Variants in KCNB2 observed in about 807,000 individuals in gnomAD.
KCNB2 encodes potassium voltage-gated channel subfamily B member 2, also known as delayed rectifier potassium channel protein.
A neutral mutation model predicts 61.5 loss-of-function variants in KCNB2; 15 were observed. The ratio of observed to expected loss-of-function variants is 0.24; its 90% CI spans 0.16 to 0.38. The LOEUF is 0.38. KCNB2 is among the 10% of genes least tolerant of loss of function. The pLI, the probability that KCNB2 is intolerant of heterozygous loss-of-function variation, is 1.00. For missense variants in KCNB2, 828 were observed against 1,125.2 expected, an observed-to-expected ratio of 0.74 and a Z score of 3.78; for synonymous variants, 457 against 446.0, an observed-to-expected ratio of 1.02 and a Z score of -0.31.
At chr8:72,831,590 T>C (rs1296697590) in intron 2 of KCNB2, among the ~76,000 whole-genome samples, 3 of 152,252 alleles carry the variant, frequency 2.0e-5, no homozygotes, top group Admixed American at 1.3e-4. Context: ...TATGAGGCCT[T>C]TGCCTATATC....
chr8:72,602,454 T>C lies in KCNB2; in HGVS notation c.579+34141T>C, dbSNP rs150926619. On this transcript the variant is annotated intron_variant, in intron 2 of 2. Coordinates refer to ENST00000523207, the MANE Select transcript of KCNB2 (RefSeq NM_004770.3). ...TTTGTATTATTTTAGTTTCTATCAT[T>C]CTTATCAATATTTGTTCATTTAGCT... Among the ~76,000 whole-genome samples, 73 of 152,324 alleles carry C rather than the reference T, an allele frequency of 4.8e-4. 2 individuals are homozygous for C. The East Asian group carries it at 0.014, about 29-fold the overall frequency.
At chr8:72,727,828 G>A (rs751222757) in intron 2 of KCNB2, among the ~76,000 whole-genome samples, 1 of 152,166 alleles carries the variant, frequency 6.6e-6, no homozygotes, top group Non-Finnish European at 1.5e-5. Flanking sequence ...AAATAGACTT[G>A]CTAGTATTTC....
intron 2 of KCNB2, among the ~76,000 whole-genome samples, chr8:72,922,969 G>A (rs536526569): frequency 6.7e-6 from 1 of 148,890 alleles, no homozygotes; most frequent in Non-Finnish European, 1.5e-5. Context: ...AACAATATAT[G>A]TAAGATGTAC....
intron 2 of KCNB2, among the ~76,000 whole-genome samples, chr8:72,799,412 T>A (rs73313550): frequency 9.1e-6 from 1 of 110,134 alleles, no homozygotes; most frequent in Non-Finnish European, 2.1e-5. Flanking sequence ...CATTATTATT[T>A]TTTATTATTA....
In KCNB2 at chr8:72,844,729, C is replaced by T. The variant is rs56113661; in HGVS notation, c.580-91206C>T. ...TATCCTTTCTTCCGCTTAATCAATT[C>T]GGCTATTGATGCTTGTGTATGCTTC... On this transcript the variant is annotated intron_variant, in intron 2 of 2. Transcript: ENST00000523207. Among the ~76,000 whole-genome samples the T allele has an allele frequency of 2.1e-3, 319 of 152,162 alleles. 3 individuals carry two copies. The highest frequency in any genetic ancestry group is 7.4e-3 in the African/African-American group (308 of 41,532).
intron 2 of KCNB2, among the ~76,000 whole-genome samples, chr8:72,867,882 A>T (rs984614734): frequency 6.6e-6 from 1 of 152,174 alleles, no homozygotes. Context: ...CTGTAGATAG[A>T]TTCCAACATT....
chr8:72,663,437 G>A (rs16938281), intron 2 of KCNB2, among the ~76,000 whole-genome samples: 4,225 of 152,204 alleles, frequency 0.028, 74 homozygotes, highest in South Asian at 0.073. Context: ...CTGGAGTTTT[G>A]CACACTGCTT....
In KCNB2 at chr8:72,839,599, C is replaced by CTTTTTTTT. The variant is rs10561095; in HGVS notation, c.580-96312_580-96305dup. ...CCTTGAGCTAAACTTTGAAAGGCTT[C>CTTTTTTTT]TTTTTTTTTTTTTTTTTTTTTTTTT... On this transcript the variant is annotated intron_variant, in intron 2 of 2. Transcript: ENST00000523207. Among the ~76,000 whole-genome samples, 66 of 87,658 alleles carry CTTTTTTTT rather than the reference C, an allele frequency of 7.5e-4. 3 individuals carry two copies. Among genetic ancestry groups the CTTTTTTTT allele is most frequent in the African/African-American group, 2.7e-3 (55 of 20,442 alleles). 57.5% of individuals were successfully genotyped at this position (87,658 alleles called of 152,430 possible).
At chr8:72,567,247 G>A (rs931134295) in intron 1 of KCNB2, among the ~76,000 whole-genome samples, 6 of 152,040 alleles carry the variant, frequency 3.9e-5, no homozygotes, top group African/African-American at 1.4e-4. Context: ...AAGAGATCAA[G>A]GCTGCAGTGA....
At chr8:72,732,187 T>G (rs1807756370) in intron 2 of KCNB2, 1 of 152,260 alleles carries the variant, frequency 6.6e-6, no homozygotes, top group African/African-American at 2.4e-5. Context: ...CCATAGTAGC[T>G]TTCTTACTTG....
At chr8:72,734,062 A>G (rs1323735623) in intron 2 of KCNB2, among the ~76,000 whole-genome samples, 1 of 152,194 alleles carries the variant, frequency 6.6e-6, no homozygotes, top group Non-Finnish European at 1.5e-5. Flanking sequence ...CGGAGTATTT[A>G]TCATCTGCAA....
Position 72,602,717 on chromosome 8 carries a change from C to T in KCNB2, c.579+34404C>T, listed in dbSNP as rs561685463. Among the ~76,000 whole-genome samples, 5 of 152,224 alleles carry T rather than the reference C, an allele frequency of 3.3e-5. No individual in the cohort carries two copies. In the South Asian group the frequency reaches 1.0e-3, roughly 32 times the overall value. On this transcript the variant is annotated intron_variant, in intron 2 of 2. Transcript: ENST00000523207. Reference sequence around the variant, plus strand: ...TTTTCAGTTGACTTTCCACTGAAGTCGGCTGGTTGAATTCAGCTGACAGTT... The same window carrying T: ...TTTTCAGTTGACTTTCCACTGAAGTTGGCTGGTTGAATTCAGCTGACAGTT...
At chr8:72,717,028 C>G (rs1807456020) in intron 2 of KCNB2, among the ~76,000 whole-genome samples, 1 of 151,802 alleles carries the variant, frequency 6.6e-6, no homozygotes, top group African/African-American at 2.4e-5. Flanking sequence ...AACAGACAAA[C>G]AGAGAGCCAA....
intron 2 of KCNB2, among the ~76,000 whole-genome samples, chr8:72,781,014 A>C (rs779722048): frequency 6.6e-6 from 1 of 152,012 alleles, no homozygotes; most frequent in African/African-American, 2.4e-5. Flanking sequence ...TGGCTGCACA[A>C]TTGTCTTCTT....
At chr8:72,921,270 T>A (rs914956428) in intron 2 of KCNB2, among the ~76,000 whole-genome samples, 1 of 152,178 alleles carries the variant, frequency 6.6e-6, no homozygotes, top group Non-Finnish European at 1.5e-5. Flanking sequence ...TATTCTACTC[T>A]CATCTGTTCT....
intron 2 of KCNB2, among the ~76,000 whole-genome samples, chr8:72,657,923 G>A (rs865915660): frequency 6.6e-6 from 1 of 152,114 alleles, no homozygotes. Flanking sequence ...GATAAATGTT[G>A]TGTGTGTCCT....
chr8:72,768,007 A>G (rs1808489613), intron 2 of KCNB2, among the ~76,000 whole-genome samples: 1 of 152,172 alleles, frequency 6.6e-6, no homozygotes, highest in Non-Finnish European at 1.5e-5. Context: ...TGGCCTTTGT[A>G]TATTTCCTTT....
chr8:72,595,989 G>T, intron 2 of KCNB2, among the ~76,000 whole-genome samples: 1 of 152,006 alleles, frequency 6.6e-6, no homozygotes, highest in East Asian at 1.9e-4. Flanking sequence ...CTGACTCCTG[G>T]TCTCAAGAAC....
At chr8:72,912,982 G>A (rs1806327180) in intron 2 of KCNB2, among the ~76,000 whole-genome samples, 1 of 152,130 alleles carries the variant, frequency 6.6e-6, no homozygotes, top group African/African-American at 2.4e-5. Flanking sequence ...ATCTGTGTGA[G>A]ATAAAGCTTA....
Sources: allele counts gnomAD v4.1 joint callset (sites outside exome capture counted in the v4.1 genomes callset), GRCh38; gene constraint gnomAD v4.1.1; transcripts MANE v1.5; gene names NCBI Gene and HGNC (gene_info 2026-07-23, HGNC 2026-07-21).